Variants in GDAP2 observed in about 807,000 individuals in gnomAD.
GDAP2 encodes ganglioside induced differentiation associated protein 2, also known as ganglioside-induced differentiation-associated protein 2.
A neutral mutation model predicts 67.0 loss-of-function variants in GDAP2; 51 were observed. That is an observed-to-expected ratio of 0.76 (90% CI 0.61 to 0.96). The LOEUF is 0.96. Ranked by LOEUF, GDAP2 falls within the 40% of genes least tolerant of loss-of-function variation. GDAP2 has a pLI of 0.00. For synonymous variants in GDAP2, 203 were observed against 207.3 expected (o/e 0.98, Z 0.18); for missense variants, 547 against 588.3 (o/e 0.93, Z 0.73).
At chr1:117,902,521 G>A (rs776653796) in intron 6 of GDAP2, among the ~76,000 whole-genome samples, 14 of 152,242 alleles carry the variant, frequency 9.2e-5, no homozygotes, top group African/African-American at 1.4e-4. Flanking sequence ...TTTGGCATGT[G>A]GATATCCAGT....
chr1:117,920,548 T>C (rs960300555), intron 1 of GDAP2, 124 bp from the exon 2 acceptor site: 18 of 392,734 alleles, frequency 4.6e-5, no homozygotes, highest in African/African-American at 3.5e-4. Context: ...TTATAGCCAC[T>C]TAAAAAGTCC....
chr1:117,876,989 C>T (rs551464193), intron 13 of GDAP2, among the ~76,000 whole-genome samples: 2 of 152,250 alleles, frequency 1.3e-5, no homozygotes, highest in East Asian at 3.9e-4. Flanking sequence ...AGGAAAAACA[C>T]TAAGATCATT....
chr1:117,892,906 T>C (rs1570975359), intron 8 of GDAP2, among the ~76,000 whole-genome samples: 1 of 152,262 alleles, frequency 6.6e-6, no homozygotes, highest in East Asian at 1.9e-4. Flanking sequence ...AATTGACCCA[T>C]CCTAGATTTA....
At chr1:117,922,715 T>C (rs1411346792) in intron 1 of GDAP2, among the ~76,000 whole-genome samples, 2 of 152,182 alleles carry the variant, frequency 1.3e-5, no homozygotes, top group Non-Finnish European at 1.5e-5. Context: ...AGAGATCACA[T>C]GCTTCAAGGG....
chr1:117,914,458 A>T (rs370149801), intron 3 of GDAP2, among the ~76,000 whole-genome samples: 1 of 152,178 alleles, frequency 6.6e-6, no homozygotes, highest in Non-Finnish European at 1.5e-5. Context: ...CTGAAGAATT[A>T]AACAAGAAAA....
At chr1:117,874,414 G>C (rs77381449) in intron 13 of GDAP2, among the ~76,000 whole-genome samples, 1 of 152,074 alleles carries the variant, frequency 6.6e-6, no homozygotes, top group African/African-American at 2.4e-5. Context: ...CTTACCCTTC[G>C]ACCATGAGTA....
At chr1:117,925,569 C>T (rs1483970242) in intron 1 of GDAP2, among the ~76,000 whole-genome samples, 2 of 152,108 alleles carry the variant, frequency 1.3e-5, no homozygotes, top group Admixed American at 6.5e-5. Flanking sequence ...CATACTGGTA[C>T]AATTTTGAAT....
At chr1:117,914,909 C>T (rs1457339120) in intron 3 of GDAP2, among the ~76,000 whole-genome samples, 1 of 151,792 alleles carries the variant, frequency 6.6e-6, no homozygotes, top group Non-Finnish European at 1.5e-5. Flanking sequence ...GATTTACTCA[C>T]AAAAATGAGA....
At chr1:117,894,122 G>T (rs1276834858) in intron 8 of GDAP2, among the ~76,000 whole-genome samples, 1 of 151,008 alleles carries the variant, frequency 6.6e-6, no homozygotes, top group East Asian at 1.9e-4. Context: ...GAATGAAAAA[G>T]AAAAATAAGT....
intron 6 of GDAP2, among the ~76,000 whole-genome samples, chr1:117,900,300 A>C (rs1187857357): frequency 1.3e-5 from 2 of 152,146 alleles, no homozygotes; most frequent in Non-Finnish European, 2.9e-5. Context: ...TTTCACAGAC[A>C]GTATTCACAA....
intron 1 of GDAP2, among the ~76,000 whole-genome samples, chr1:117,928,898 G>A (rs1409680902): frequency 1.3e-5 from 2 of 152,190 alleles, no homozygotes; most frequent in Non-Finnish European, 2.9e-5. Flanking sequence ...CTTGGTGAAA[G>A]AGCACTTAAG....
intron 6 of GDAP2, among the ~76,000 whole-genome samples, chr1:117,902,148 TTTTCTTTC>T (rs372260285): frequency 6.6e-6 from 1 of 152,188 alleles, no homozygotes; most frequent in African/African-American, 2.4e-5. Flanking sequence ...AATATTAAAC[TTTTCTTTC>T]TTTCTTTCTT....
Position 117,864,721 on chromosome 1 carries a change from A to T in GDAP2, c.*5848T>A, listed in dbSNP as rs1360595860. ...ATAAATATAAATTAAGCAAAAACTGAGGAGCTAAGAGATTTTTTTCCTTAT... is the reference window on the plus strand; with the variant it reads ...ATAAATATAAATTAAGCAAAAACTGTGGAGCTAAGAGATTTTTTTCCTTAT... On this transcript the variant is annotated 3_prime_UTR_variant, in exon 14 of 14. Coordinates refer to ENST00000369443, the MANE Select transcript of GDAP2 (RefSeq NM_017686.4). 2 of 152,178 alleles carry T rather than the reference A, an allele frequency of 1.3e-5. No individual in the cohort carries two copies. Among genetic ancestry groups the T allele is most frequent in the African/African-American group, 4.8e-5 (2 of 41,462 alleles). 9.4% of individuals were successfully genotyped at this position (152,178 alleles called of 1,614,324 possible).
At chr1:117,880,758 C>G (rs76533464) in intron 12 of GDAP2, among the ~76,000 whole-genome samples, 2,026 of 152,292 alleles carry the variant, frequency 0.013, 35 homozygotes, top group South Asian at 0.091. Flanking sequence ...AATTCCCTTA[C>G]CTGTATGGTG....
Position 117,878,040 on chromosome 1 carries a change from A to G in GDAP2, c.1415T>C (p.Phe472Ser). The G allele has an allele frequency of 6.2e-7, 1 of 1,612,792 alleles. No individual in the cohort carries two copies. The highest frequency in any genetic ancestry group is 1.1e-5 in the South Asian group (1 of 91,034). The change falls in exon 13 of 14, where the codon TTT becomes TCT. Residue 472 changes from phenylalanine (F) to serine (S), a missense_variant. Coordinates refer to ENST00000369443, the MANE Select transcript of GDAP2 (RefSeq NM_017686.4). ...ATCATATTCAAGGACAAAAGGAGGA[A>G]AGTCAATCTGTTCTGGTGATATGGC... ...FSAISPEQID[F>S]PPFVLEYDAR...
intron 3 of GDAP2, among the ~76,000 whole-genome samples, chr1:117,914,305 T>C (rs1010291144): frequency 6.6e-6 from 1 of 152,072 alleles, no homozygotes; most frequent in African/African-American, 2.4e-5. Context: ...GAACAGGAAA[T>C]GGCACTTATG....
chr1:117,911,832 T>C (rs1451027786), intron 5 of GDAP2, among the ~76,000 whole-genome samples, 162 bp downstream of exon 5: 2 of 151,774 alleles, frequency 1.3e-5, no homozygotes, highest in Admixed American at 6.6e-5. Context: ...TGGCTATTCA[T>C]AGATGCAATC....
chr1:117,905,527 G>A (rs947221497), intron 6 of GDAP2, among the ~76,000 whole-genome samples: 3 of 152,040 alleles, frequency 2.0e-5, no homozygotes, highest in Admixed American at 1.3e-4. Context: ...CCCGTGCCAG[G>A]CTAAAGTTAT....
intron 6 of GDAP2, among the ~76,000 whole-genome samples, chr1:117,902,444 T>A (rs1482962020): frequency 1.3e-5 from 2 of 152,222 alleles, no homozygotes; most frequent in Non-Finnish European, 2.9e-5. Context: ...AGCTCTTACA[T>A]TGAGGTCCTA....
Sources: allele counts gnomAD v4.1 joint callset (sites outside exome capture counted in the v4.1 genomes callset), GRCh38; gene constraint gnomAD v4.1.1; transcripts MANE v1.5; gene names NCBI Gene and HGNC (gene_info 2026-07-23, HGNC 2026-07-21).